Variants in KCNK13 observed in about 807,000 individuals in gnomAD.
KCNK13 encodes potassium two pore domain channel subfamily K member 13.
In KCNK13, 12 loss-of-function variants were observed where a neutral mutation model predicts 23.4. The ratio of observed to expected loss-of-function variants is 0.51; its 90% CI spans 0.33 to 0.83. The LOEUF (loss-of-function observed/expected upper bound fraction) is 0.83. Among genes scored for constraint, KCNK13 ranks in the 40% least tolerant of loss-of-function variants. The pLI is 0.02. For missense variants in KCNK13, 463 were observed against 556.3 expected, an observed-to-expected ratio of 0.83 and a Z score of 1.69; for synonymous variants, 231 against 229.5, an observed-to-expected ratio of 1.01 and a Z score of -0.06.
At chr14:90,154,178 T>C (rs1440597303) in intron 1 of KCNK13, among the ~76,000 whole-genome samples, 1 of 152,180 alleles carries the variant, frequency 6.6e-6, no homozygotes, top group Non-Finnish European at 1.5e-5. Context: ...CTACCAACAC[T>C]GAATGTGGGC....
intron 1 of KCNK13, among the ~76,000 whole-genome samples, chr14:90,129,938 G>GTAGT (rs1354077280): frequency 6.6e-6 from 1 of 152,112 alleles, no homozygotes; most frequent in Non-Finnish European, 1.5e-5. Flanking sequence ...GCCCGATGGT[G>GTAGT]TAGTCATTTA....
chr14:90,069,493 T>C (rs1285793563), intron 1 of KCNK13, among the ~76,000 whole-genome samples: 1 of 151,844 alleles, frequency 6.6e-6, no homozygotes, highest in Non-Finnish European at 1.5e-5. Context: ...AGTGTGTAAA[T>C]CCATGTGGTG....
At chr14:90,175,430 C>T (rs969013052) in intron 1 of KCNK13, among the ~76,000 whole-genome samples, 1 of 152,124 alleles carries the variant, frequency 6.6e-6, no homozygotes, top group Non-Finnish European at 1.5e-5. Flanking sequence ...TTCCTCCTAC[C>T]CCTGCCCTCA....
In KCNK13 at chr14:90,184,010, G is replaced by A; in HGVS notation, c.335-101G>A. On this transcript the variant is annotated intron_variant, in intron 1 of 1. Coordinates refer to ENST00000282146, the MANE Select transcript of KCNK13 (RefSeq NM_022054.4). The surrounding 1 kb of genome is among the most constrained non-coding windows in gnomAD (Gnocchi z 5.6). ...AAAGACTAAGGCTGAGTGATTTTAT[G>A]AAACTCTCTTTAGGTCCTTTGCCAG... 9.6e-7 allele frequency: 1 copy of A among 1,046,402 alleles called. No individual in the cohort carries two copies. Among genetic ancestry groups the A allele is most frequent in the Non-Finnish European group, 1.4e-6 (1 of 707,948 alleles). The allele number at this position is 1,046,402 out of a possible 1,614,324, so 64.8% of individuals were successfully genotyped here.
intron 1 of KCNK13, among the ~76,000 whole-genome samples, chr14:90,136,047 G>C (rs1033617548): frequency 1.3e-5 from 2 of 152,110 alleles, no homozygotes; most frequent in African/African-American, 4.8e-5. Flanking sequence ...CAGCAGTATG[G>C]TGGACAAGAC....
chr14:90,076,881 G>A (rs1022368116), intron 1 of KCNK13, among the ~76,000 whole-genome samples: 3 of 152,206 alleles, frequency 2.0e-5, no homozygotes, highest in African/African-American at 4.8e-5. Context: ...GTGCAGTGGC[G>A]TGATCTCCGC....
chr14:90,164,209 A>G (rs1156670049), intron 1 of KCNK13, among the ~76,000 whole-genome samples: 2 of 152,212 alleles, frequency 1.3e-5, no homozygotes, highest in African/African-American at 2.4e-5. Flanking sequence ...TACCCATCCC[A>G]TGTGTGCCAC....
At chr14:90,150,101 A>C (rs1423692882) in intron 1 of KCNK13, among the ~76,000 whole-genome samples, 1 of 152,204 alleles carries the variant, frequency 6.6e-6, no homozygotes, top group Non-Finnish European at 1.5e-5. Flanking sequence ...TAGTCTTCAG[A>C]GATTTCGTGG....
chr14:90,169,619 T>C (rs1242249878), intron 1 of KCNK13, among the ~76,000 whole-genome samples: 7 of 152,198 alleles, frequency 4.6e-5, no homozygotes, highest in Admixed American at 2.0e-4. Flanking sequence ...CTTTAGGATA[T>C]TCATAGAACT....
intron 1 of KCNK13, among the ~76,000 whole-genome samples, chr14:90,068,584 A>G (rs1889035846): frequency 6.6e-6 from 1 of 152,174 alleles, no homozygotes; most frequent in Admixed American, 6.5e-5. Context: ...AGCCTGGGCA[A>G]TAGGGCAAGA....
chr14:90,135,675 G>C (rs554595928), intron 1 of KCNK13, among the ~76,000 whole-genome samples: 56 of 152,312 alleles, frequency 3.7e-4, no homozygotes, highest in Non-Finnish European at 7.1e-4. Flanking sequence ...TTGTTGGAGA[G>C]AGGTTGGAGG....
chr14:90,174,169 G>T (rs967713590), intron 1 of KCNK13, among the ~76,000 whole-genome samples: 1 of 152,090 alleles, frequency 6.6e-6, no homozygotes, highest in Non-Finnish European at 1.5e-5. Context: ...AATTAGCCGG[G>T]TGTGGTGGTG....
At chr14:90,166,090 T>C (rs1247287880) in intron 1 of KCNK13, among the ~76,000 whole-genome samples, 1 of 152,270 alleles carries the variant, frequency 6.6e-6, no homozygotes, top group Non-Finnish European at 1.5e-5. Context: ...ACTTATAAAC[T>C]ACTTGTTGCT....
At chr14:90,138,187 T>A (rs12897019) in intron 1 of KCNK13, among the ~76,000 whole-genome samples, 43,788 of 151,894 alleles carry the variant, frequency 0.29, 6,905 homozygotes, top group Non-Finnish European at 0.37. Context: ...TTTCTGTTTG[T>A]AGAAGTAATA....
intron 1 of KCNK13, among the ~76,000 whole-genome samples, chr14:90,106,300 C>T (rs1218490211): frequency 2.6e-5 from 4 of 152,082 alleles, no homozygotes; most frequent in African/African-American, 4.8e-5. Flanking sequence ...AGGTCCTGGG[C>T]GCAGTGGCTC....
intron 1 of KCNK13, among the ~76,000 whole-genome samples, chr14:90,156,197 T>A (rs375592871): frequency 0.064 from 4,057 of 63,736 alleles, 188 homozygotes; most frequent in African/African-American, 0.2. Flanking sequence ...AGAGTGAGAG[T>A]CTGGCCAAAA....
Position 90,185,058 on chromosome 14 carries a change from C to T in KCNK13, c.*55C>T. 1.4e-6 allele frequency: 2 copies of T among 1,438,876 alleles called. No homozygotes were observed. The highest frequency in any genetic ancestry group is 1.8e-6 in the Non-Finnish European group (2 of 1,084,374). The allele number at this position is 1,438,876 out of a possible 1,614,324, so 89.1% of individuals were successfully genotyped here. Reference sequence around the variant, plus strand: ...AGAGTAGAATGGAGGATGATTGCCGCCCAGGGGACGAGCTCAGCCCTGCGC... The same window carrying T: ...AGAGTAGAATGGAGGATGATTGCCGTCCAGGGGACGAGCTCAGCCCTGCGC... On this transcript the variant is annotated 3_prime_UTR_variant, in exon 2 of 2. Transcript: ENST00000282146.
chr14:90,074,020 G>A (rs1458673489), intron 1 of KCNK13, among the ~76,000 whole-genome samples: 2 of 152,048 alleles, frequency 1.3e-5, no homozygotes, highest in African/African-American at 2.4e-5. Context: ...CCAGGCTGGA[G>A]TGCAGTGACG....
intron 1 of KCNK13, among the ~76,000 whole-genome samples, chr14:90,096,757 T>C (rs1254507059): frequency 6.6e-6 from 1 of 152,180 alleles, no homozygotes; most frequent in Non-Finnish European, 1.5e-5. Context: ...TTGGCAGCCA[T>C]TTTCTTGGGC....
Sources: gnomAD v4.1 joint callset for allele counts (sites outside exome capture counted in the v4.1 genomes callset) on GRCh38, gnomAD v4.1.1 for gene constraint, Gnocchi (gnomAD v3.1) non-coding constraint, MANE v1.5 for transcripts, NCBI Gene and HGNC (gene_info 2026-07-23, HGNC 2026-07-21) for gene names.